Variants in CNTNAP4 observed in about 807,000 individuals in gnomAD.
CNTNAP4 encodes the protein contactin-associated protein-like 4.
CNTNAP4 carries 98 observed loss-of-function variants against 148.4 expected under a neutral mutation model. That is an observed-to-expected ratio of 0.66 (90% CI 0.56 to 0.78). The LOEUF (loss-of-function observed/expected upper bound fraction) is 0.78. Among genes scored for constraint, CNTNAP4 ranks in the 30% least tolerant of loss-of-function variants. The pLI is 0.00. For synonymous variants in CNTNAP4, 730 were observed against 565.1 expected (o/e 1.29, Z -4.14); for missense variants, 1,935 against 1,565.6 (o/e 1.24, Z -3.98).
intron 4 of CNTNAP4, among the ~76,000 whole-genome samples, chr16:76,431,518 A>T (rs2079604134): frequency 6.6e-6 from 1 of 152,200 alleles, no homozygotes; most frequent in South Asian, 2.1e-4. Context: ...GTCTCTACTT[A>T]AAATACAAAA....
chr16:76,414,522 G>T (rs1191932657), intron 3 of CNTNAP4, among the ~76,000 whole-genome samples: 6 of 151,026 alleles, frequency 4.0e-5, no homozygotes, highest in African/African-American at 7.3e-5. Flanking sequence ...TTAATATCAG[G>T]GTTATGCTGG....
intron 16 of CNTNAP4, among the ~76,000 whole-genome samples, chr16:76,521,634 CTCTTA>C (rs1229840181): frequency 6.6e-6 from 1 of 152,014 alleles, no homozygotes; most frequent in Non-Finnish European, 1.5e-5. Context: ...TTCTAAGCTG[CTCTTA>C]TCTTAATATC....
chr16:76,405,191 T>C (rs866833385), intron 3 of CNTNAP4, among the ~76,000 whole-genome samples: 15 of 152,196 alleles, frequency 9.9e-5, no homozygotes, highest in Non-Finnish European at 2.2e-4. Context: ...ATGACACTTA[T>C]AAACACTTAA....
chr16:76,372,687 C>T (rs1325132592), intron 3 of CNTNAP4, among the ~76,000 whole-genome samples: 1 of 152,090 alleles, frequency 6.6e-6, no homozygotes, highest in East Asian at 1.9e-4. Flanking sequence ...GAGGCCTCCC[C>T]AGCCACATGG....
At chr16:76,288,683 A>T (rs1385032191) in intron 1 of CNTNAP4, among the ~76,000 whole-genome samples, 1 of 152,242 alleles carries the variant, frequency 6.6e-6, no homozygotes. Context: ...CAGAAGTATT[A>T]TGTTAATCAC....
chr16:76,440,104 T>C (rs1420369643), intron 4 of CNTNAP4, among the ~76,000 whole-genome samples: 2 of 152,186 alleles, frequency 1.3e-5, no homozygotes, highest in African/African-American at 4.8e-5. Context: ...TGTTTAAGGC[T>C]GACTTCATTT....
intron 2 of CNTNAP4, among the ~76,000 whole-genome samples, chr16:76,321,420 C>A (rs569198023): frequency 5.3e-5 from 8 of 152,188 alleles, no homozygotes; most frequent in South Asian, 4.1e-4. Flanking sequence ...GAGGATAGAT[C>A]CCTAAAGATA....
rs952715840 is a variant in CNTNAP4, at chr16:76,523,865, G to A, written c.2755+1608G>A. ...AGGATGGTTGAACCCAGTAATTGGA[G>A]GCTGTGGTGAACTATGATCACGCTA... is the stretch of plus-strand genomic sequence containing the variant. On this transcript the variant is annotated intron_variant, in intron 17 of 23. Coordinates refer to ENST00000611870, the MANE Select transcript of CNTNAP4 (RefSeq NM_033401.5). 3.9e-5 allele frequency among the ~76,000 whole-genome samples: 6 copies of A among 152,154 alleles called. No individual in the cohort carries two copies. In the East Asian group the frequency reaches 9.6e-4, roughly 24 times the overall value.
At chr16:76,481,549 C>T in intron 12 of CNTNAP4, among the ~76,000 whole-genome samples, 1 of 151,674 alleles carries the variant, frequency 6.6e-6, no homozygotes, top group Admixed American at 6.6e-5. Flanking sequence ...TGTCAGTCTC[C>T]CTGGCTGCAT....
chr16:76,540,470 G>A (rs761073108), intron 20 of CNTNAP4, among the ~76,000 whole-genome samples: 10 of 151,790 alleles, frequency 6.6e-5, no homozygotes, highest in Non-Finnish European at 5.9e-5. Context: ...ACTGGCATCT[G>A]AGGGTAGTAT....
intron 3 of CNTNAP4, among the ~76,000 whole-genome samples, chr16:76,390,801 A>G (rs191517173): frequency 1.3e-5 from 2 of 152,244 alleles, no homozygotes; most frequent in South Asian, 2.1e-4. Flanking sequence ...GGTTTGCACT[A>G]TAGGACTTTA....
At chr16:76,468,622 C>G (rs2081260436) in intron 10 of CNTNAP4, among the ~76,000 whole-genome samples, 1 of 152,144 alleles carries the variant, frequency 6.6e-6, no homozygotes, top group Admixed American at 6.5e-5. Flanking sequence ...GTCACTGGGA[C>G]TGCAGGCACA....
chr16:76,382,287 T>C (rs2144706772), intron 3 of CNTNAP4, among the ~76,000 whole-genome samples: 1 of 152,252 alleles, frequency 6.6e-6, no homozygotes, highest in African/African-American at 2.4e-5. Flanking sequence ...TGTTGTTTAT[T>C]TCAACTATTA....
chr16:76,319,646 A>G (rs1456035370), intron 2 of CNTNAP4, among the ~76,000 whole-genome samples: 5 of 152,140 alleles, frequency 3.3e-5, no homozygotes, highest in Admixed American at 2.0e-4. Context: ...TGTCCTTATA[A>G]GGAGTGTGAG....
intron 4 of CNTNAP4, among the ~76,000 whole-genome samples, chr16:76,439,103 G>A (rs915962047): frequency 3.3e-5 from 5 of 151,814 alleles, no homozygotes; most frequent in Non-Finnish European, 7.4e-5. Flanking sequence ...CTCTTCCTTC[G>A]GGATGGAGCA....
intron 17 of CNTNAP4, among the ~76,000 whole-genome samples, chr16:76,522,687 CTTTCTTTTCTTTTCT>C (rs71378619): frequency 0.032 from 944 of 29,898 alleles, 38 homozygotes; most frequent in African/African-American, 0.05. Context: ...TCTTTCTCTC[CTTTCTTTTCTTTTCT>C]TTTCTTTTCT....
chr16:76,350,931 G>A (rs535758347), intron 2 of CNTNAP4, among the ~76,000 whole-genome samples: 1 of 152,204 alleles, frequency 6.6e-6, no homozygotes, highest in South Asian at 2.1e-4. Flanking sequence ...AGAGGACGGT[G>A]GAACAGGTAA....
chr16:76,437,103 G>A (rs1201099691), intron 4 of CNTNAP4, among the ~76,000 whole-genome samples: 2 of 151,820 alleles, frequency 1.3e-5, no homozygotes, highest in Non-Finnish European at 2.9e-5. Flanking sequence ...TGAAGAACTT[G>A]GAGTCTGATG....
chr16:76,325,319 A>AT (rs764218935), intron 2 of CNTNAP4, among the ~76,000 whole-genome samples: 16 of 152,294 alleles, frequency 1.1e-4, no homozygotes, highest in Middle Eastern at 6.8e-3. Flanking sequence ...CTGTGTAGTT[A>AT]TTTATATACT....
Sources: allele counts gnomAD v4.1 joint callset (sites outside exome capture counted in the v4.1 genomes callset), GRCh38; gene constraint gnomAD v4.1.1; transcripts MANE v1.5; gene names NCBI Gene and HGNC (gene_info 2026-07-23, HGNC 2026-07-21).